Variants in SPOCD1 observed in about 807,000 individuals in gnomAD.
SPOCD1 encodes SPOC domain containing 1, also known as SPOC domain-containing protein 1.
A neutral mutation model predicts 92.2 loss-of-function variants in SPOCD1; 64 were observed. That is an observed-to-expected ratio of 0.69 (90% CI 0.57 to 0.86). The LOEUF is 0.86. Ranked by LOEUF, SPOCD1 falls within the 40% of genes least tolerant of loss-of-function variation. The pLI, the probability that SPOCD1 is intolerant of heterozygous loss-of-function variation, is 0.00. For missense variants in SPOCD1, 1,360 were observed against 1,543.1 expected, an observed-to-expected ratio of 0.88 and a Z score of 1.99; for synonymous variants, 578 against 619.3, an observed-to-expected ratio of 0.93 and a Z score of 0.99.
rs1384109342 is a variant in SPOCD1, at chr1:31,798,565, C to T, written c.1905G>A (p.Glu635=). Residue 635 remains glutamate (E), a synonymous_variant, in exon 8 of 16, where the codon GAG becomes GAA. Transcript: ENST00000360482. The surrounding 1 kb of genome is among the most constrained non-coding windows in gnomAD (Gnocchi z 4.1). ...TGCCAGCAGCAATGCCCTCCACCAC[C>T]TCCTCACTCAGCACTGGGTCTGGGA... The part of the protein sequence containing the change: ...RELPDPVLSE[E]VVEGIAAGIE... 7 of 1,613,496 alleles carry T rather than the reference C, an allele frequency of 4.3e-6. No individual in the cohort carries two copies. The Admixed American group carries it at 1.0e-4, about 23-fold the overall frequency.
At chr1:31,803,602 ATGGTGGTGTGTACCTGT>A (rs1485283034) in intron 2 of SPOCD1, among the ~76,000 whole-genome samples, 1 of 151,372 alleles carries the variant, frequency 6.6e-6, no homozygotes, top group African/African-American at 2.4e-5. Flanking sequence ...ATAGCCAGGC[ATGGTGGTGTGTACCTGT>A]AGTCCCAACT....
In SPOCD1 at chr1:31,790,426, A is replaced by G; in HGVS notation, c.*177T>C. On this transcript the variant is annotated 3_prime_UTR_variant, in exon 16 of 16. Transcript: ENST00000360482. ...CTGACCAGCTAGCAGATGCAATCCC[A>G]ATTTTACCAAATTCTTTATTGAACA... 7.5e-6 allele frequency: 5 copies of G among 662,648 alleles called. No homozygotes were observed. Among genetic ancestry groups the G allele is most frequent in the Non-Finnish European group, 1.0e-5 (4 of 390,174 alleles). 41.0% of individuals were successfully genotyped at this position (662,648 alleles called of 1,614,324 possible).
chr1:31,813,800 TG>T, intron 2 of SPOCD1, 150 bp downstream of exon 2: 1 of 622,414 alleles, frequency 1.6e-6, no homozygotes, highest in Non-Finnish European at 2.5e-6. Flanking sequence ...TCCCAGTTTG[TG>T]GGCCTCATTT....
intron 2 of SPOCD1, among the ~76,000 whole-genome samples, chr1:31,811,617 A>G (rs948266173): frequency 5.9e-5 from 9 of 152,206 alleles, no homozygotes; most frequent in African/African-American, 2.2e-4. Flanking sequence ...CCCTGCCACA[A>G]GCCAGGCTGT....
chr1:31,815,827 C>G (rs1379584259), intron 1 of SPOCD1, 134 bp downstream of exon 1: 1 of 153,270 alleles, frequency 6.5e-6, no homozygotes, highest in Non-Finnish European at 1.5e-5. Context: ...GAACGGGGTT[C>G]GTGCCCATAA....
At chr1:31,791,527 A>G (rs1647592509) in intron 15 of SPOCD1, among the ~76,000 whole-genome samples, 1 of 152,170 alleles carries the variant, frequency 6.6e-6, no homozygotes, top group Non-Finnish European at 1.5e-5. Context: ...TTGTCTCAGG[A>G]CATGGAGCCC....
intron 14 of SPOCD1, 22 bp downstream of exon 14, chr1:31,792,656 G>A (rs1369534501): frequency 1.3e-6 from 2 of 1,551,628 alleles, no homozygotes; most frequent in Non-Finnish European, 1.8e-6. Context: ...AAAAGAGGGG[G>A]TGCCCAAGAG....
At position 31,799,505 on chromosome 1, in the gene SPOCD1, C is replaced by T. The variant is rs1360355830; in HGVS notation, c.1784-20G>A. 6.3e-7 allele frequency: 1 copy of T among 1,599,804 alleles called. No homozygotes were observed. The highest frequency in any genetic ancestry group is 1.7e-5 in the Admixed American group (1 of 58,120). On this transcript the variant is annotated intron_variant, in intron 6 of 15. Transcript: ENST00000360482. ...GCTGAGCTGTAGGGAGAGAGCGTCA[C>T]AGGCTCCCAGGGGTGCCCAGGGGAA... is the stretch of plus-strand genomic sequence containing the variant.
At chr1:31,795,637 G>A (rs1009034202) in intron 10 of SPOCD1, 25 of 152,064 alleles carry the variant, frequency 1.6e-4, no homozygotes, top group Non-Finnish European at 5.9e-5. Flanking sequence ...ACACCCCTTA[G>A]GGATCCTCTT....
In SPOCD1 at chr1:31,791,251, A is replaced by T. The variant is rs758186714; in HGVS notation, c.3003T>A (p.Gly1001=). ...ALPVSPLLSP[G]LEVTHSSLLL... is the part of the protein sequence containing the mutation. ...ACAGACTTGAGTGAGTGACCTCCAG[A>T]CCTGGGGAAAGGAGAGGGGAGACAG... The change falls in exon 16 of 16, where the codon GGT becomes GGA. Residue 1001 remains glycine, a synonymous_variant. Coordinates refer to ENST00000360482, the MANE Select transcript of SPOCD1 (RefSeq NM_144569.7). 3.8e-6 allele frequency: 6 copies of T among 1,569,920 alleles called. No individual in the cohort carries two copies. The highest frequency in any genetic ancestry group is 5.2e-6 in the Non-Finnish European group (6 of 1,156,312).
At chr1:31,805,901 G>A (rs2149112498) in intron 2 of SPOCD1, among the ~76,000 whole-genome samples, 1 of 152,058 alleles carries the variant, frequency 6.6e-6, no homozygotes, top group Admixed American at 6.6e-5. Context: ...ATGCAAAAAG[G>A]TTAAAATAAC....
In SPOCD1 at chr1:31,790,501, G is replaced by A. The variant is rs938258618; in HGVS notation, c.*102C>T. Reference sequence around the variant, plus strand: ...AACAGGAAGTTCAAACAGGGCAGGTGGGTAGGGCTGACCATCCTCTCCTTG... The same window carrying A: ...AACAGGAAGTTCAAACAGGGCAGGTAGGTAGGGCTGACCATCCTCTCCTTG... On this transcript the variant is annotated 3_prime_UTR_variant, in exon 16 of 16. Coordinates refer to ENST00000360482, the MANE Select transcript of SPOCD1 (RefSeq NM_144569.7). 16 of 1,039,346 alleles carry A rather than the reference G, an allele frequency of 1.5e-5. No individual in the cohort carries two copies. The East Asian group carries it at 4.2e-4, about 27-fold the overall frequency. 64.4% of individuals were successfully genotyped at this position (1,039,346 alleles called of 1,614,324 possible).
rs770520682 is a variant in SPOCD1 at position 31,800,451 on chromosome 1, G to A, written c.1592C>T (p.Ala531Val). The stretch of plus-strand genomic sequence containing the variant: ...TCACTTGTTCTGTACCTGGCACCCA[G>A]CAGGGCCCTGCACCATGGGCCTTTT... ...RKKRPMVQGP[A>V]GCQVFQPSPS... Residue 531 changes from alanine to valine, a missense_variant, in exon 4 of 16, where the codon GCT becomes GTT. This residue lies in a region of SPOCD1 where 606 missense variants were observed against 601.5 expected (regional missense o/e 1.01). Coordinates refer to ENST00000360482, the MANE Select transcript of SPOCD1 (RefSeq NM_144569.7). 2.5e-6 allele frequency: 4 copies of A among 1,593,126 alleles called. No homozygotes were observed. In the East Asian group the frequency reaches 9.1e-5, roughly 36 times the overall value.
At position 31,792,250 on chromosome 1, in the gene SPOCD1, G is replaced by A; in HGVS notation, c.2927C>T (p.Pro976Leu). ...MVLLPLPAFQ[P>L]LPTRLRPLGG... ...CAAAGGGCGCAGCCTGGTGGGCAGG[G>A]GCTGGAAGGCAGGCAGGGGCAGCAG... is the stretch of plus-strand genomic sequence containing the variant. The change falls in exon 15 of 16, where the codon CCC (proline) becomes CTC (leucine). Residue 976 changes from proline to leucine, a missense_variant. Coordinates refer to ENST00000360482, the MANE Select transcript of SPOCD1 (RefSeq NM_144569.7). 2 of 1,611,914 alleles carry A rather than the reference G, an allele frequency of 1.2e-6. No individual in the cohort carries two copies. The highest frequency in any genetic ancestry group is 1.7e-6 in the Non-Finnish European group (2 of 1,179,140).
Position 31,798,623 on chromosome 1 carries a change from G to GGGGGCACTGAGCCCAGGAGGCTCTC in SPOCD1, c.1869-47_1869-23dup. On this transcript the variant is annotated intron_variant, in intron 7 of 15. Coordinates refer to ENST00000360482, the MANE Select transcript of SPOCD1 (RefSeq NM_144569.7). This position sits in a 1 kb window ranked among gnomAD's most constrained non-coding sequence, Gnocchi z 4.1. ...AAGGCTGTGGAGGCCAGGGCAGGGC[G>GGGGGCACTGAGCCCAGGAGGCTCTC]GGGGCACTGAGCCCAGGAGGCTCTC... 1 of 1,607,532 alleles carries GGGGGCACTGAGCCCAGGAGGCTCTC rather than the reference G, an allele frequency of 6.2e-7. No homozygotes were observed. Among genetic ancestry groups the GGGGGCACTGAGCCCAGGAGGCTCTC allele is most frequent in the Non-Finnish European group, 8.5e-7 (1 of 1,177,746 alleles).
chr1:31,807,550 C>T lies in SPOCD1; in HGVS notation c.1384-5845G>A, dbSNP rs953227485. ...GTTAAGTCTATGAATGCAGCAAAAG[C>T]GATAATTAAAAGGTTCTTTTATAGC... On this transcript the variant is annotated intron_variant, in intron 2 of 15. Coordinates refer to ENST00000360482, the MANE Select transcript of SPOCD1 (RefSeq NM_144569.7). Among the ~76,000 whole-genome samples the T allele has an allele frequency of 6.0e-5, 9 of 150,060 alleles. No homozygotes were observed. The East Asian group carries it at 1.2e-3, about 20-fold the overall frequency.
intron 2 of SPOCD1, among the ~76,000 whole-genome samples, chr1:31,813,361 A>G (rs1649327759): frequency 6.6e-6 from 1 of 152,130 alleles, no homozygotes; most frequent in African/African-American, 2.4e-5. Flanking sequence ...TCTGCTTCCC[A>G]GGTTCAAGTG....
rs1648325519 is a variant in SPOCD1, at chr1:31,800,002, G to T, written c.1728+14C>A. ...CCAGTGAAGGAGGCACATGGCCGGG[G>T]CAGAACAACTTGCCTGGGAACATGC... On this transcript the variant is annotated intron_variant, in intron 5 of 15. Transcript: ENST00000360482. The T allele has an allele frequency of 1.9e-6, 3 of 1,611,816 alleles. No individual in the cohort carries two copies. The South Asian group carries it at 3.3e-5, about 18-fold the overall frequency.
intron 10 of SPOCD1, chr1:31,796,389 G>A: frequency 1.3e-6 from 1 of 778,748 alleles, no homozygotes; most frequent in Non-Finnish European, 2.1e-6. Flanking sequence ...ACAGTGACAA[G>A]GCGCTGGCAG....
Sources: gnomAD v4.1 joint callset for allele counts (sites outside exome capture counted in the v4.1 genomes callset) on GRCh38, gnomAD v4.1.1 for gene constraint, gnomAD v4.1.1 regional missense constraint, Gnocchi (gnomAD v3.1) non-coding constraint, MANE v1.5 for transcripts, NCBI Gene and HGNC (gene_info 2026-07-23, HGNC 2026-07-21) for gene names.